The following HMCN1 variants were observed in gnomAD, a reference collection of about 807,000 sequenced individuals.
The protein encoded by HMCN1 is hemicentin-1.
A neutral mutation model predicts 625.9 loss-of-function variants in HMCN1; 321 were observed. That is an observed-to-expected ratio of 0.51 (90% confidence interval 0.47 to 0.56). HMCN1 has a LOEUF of 0.56. Ranked by LOEUF, HMCN1 falls within the 20% of genes least tolerant of loss-of-function variation. The pLI, the probability that HMCN1 is intolerant of heterozygous loss-of-function variation, is 0.00. For synonymous variants in HMCN1, 2,425 were observed against 2,417.6 expected (o/e 1.00, Z -0.09); for missense variants, 6,588 against 6,887.3 (o/e 0.96, Z 1.54).
intron 71 of HMCN1, among the ~76,000 whole-genome samples, chr1:186,108,904 T>G (rs1204187795): frequency 6.6e-6 from 1 of 152,210 alleles, no homozygotes; most frequent in East Asian, 1.9e-4. Flanking sequence ...AATACTCAGC[T>G]ATTTCTTAAA....
At chr1:185,998,148 T>G (rs116498680) in intron 25 of HMCN1, among the ~76,000 whole-genome samples, 67 of 152,208 alleles carry the variant, frequency 4.4e-4, no homozygotes, top group African/African-American at 1.5e-3. Flanking sequence ...AGTAGGTAAT[T>G]AAGAACATCC....
intron 89 of HMCN1, among the ~76,000 whole-genome samples, chr1:186,138,332 C>G (rs1270901619): frequency 1.3e-5 from 2 of 152,082 alleles, no homozygotes; most frequent in African/African-American, 2.4e-5. Context: ...AAAGACTTGC[C>G]CAGAAACACA....
chr1:186,118,848 G>C (rs1458335488), intron 77 of HMCN1, among the ~76,000 whole-genome samples: 1 of 152,214 alleles, frequency 6.6e-6, no homozygotes. Flanking sequence ...CTAAGGCCAG[G>C]GTTGTGAGTG....
chr1:185,850,558 G>T (rs74856173), intron 2 of HMCN1, among the ~76,000 whole-genome samples: 1 of 152,082 alleles, frequency 6.6e-6, no homozygotes, highest in South Asian at 2.1e-4. Context: ...TGACTCCAGG[G>T]TGAAGGATCC....
intron 68 of HMCN1, among the ~76,000 whole-genome samples, chr1:186,099,947 A>C (rs892320038): frequency 4.6e-5 from 7 of 152,154 alleles, no homozygotes; most frequent in Admixed American, 6.6e-5. Flanking sequence ...TTTTACAGCC[A>C]GATTTCGTTT....
chr1:186,000,155 A>T lies in HMCN1; in HGVS notation c.3985A>T (p.Thr1329Ser). The T allele has an allele frequency of 6.2e-7, 1 of 1,613,178 alleles. No individual in the cohort carries two copies. Among genetic ancestry groups the T allele is most frequent in the Non-Finnish European group, 8.5e-7 (1 of 1,179,382 alleles). ...DGTLLVIASVTPYDNGEYICV... is the reference protein window; with the variant it reads ...DGTLLVIASVSPYDNGEYICV... ...CACATTGCTGGTTATTGCTTCTGTT[A>T]CACCCTATGACAATGGGGAGTACAT... Residue 1329 changes from threonine to serine, a missense_variant, in exon 26 of 107, where the codon ACA becomes TCA. Thr to Ser is a moderately conservative substitution (Grantham distance 58). Around this residue, in one of 3 missense-constraint regions of HMCN1, gnomAD observed 4,628 missense variants for 4,853.1 expected, o/e 0.95. Transcript: ENST00000271588.
At chr1:185,948,389 G>C (rs973799629) in intron 11 of HMCN1, among the ~76,000 whole-genome samples, 3 of 151,548 alleles carry the variant, frequency 2.0e-5, no homozygotes, top group African/African-American at 7.3e-5. Flanking sequence ...TCAGCAAAGG[G>C]AGATAGGGGT....
At chr1:185,848,370 A>G (rs1014032677) in intron 2 of HMCN1, among the ~76,000 whole-genome samples, 3 of 151,896 alleles carry the variant, frequency 2.0e-5, no homozygotes, top group Admixed American at 1.3e-4. Flanking sequence ...TGCTTGACAC[A>G]CTTTGTTCCC....
intron 50 of HMCN1, among the ~76,000 whole-genome samples, chr1:186,069,295 T>C (rs894718533): frequency 1.5e-4 from 23 of 152,188 alleles, no homozygotes; most frequent in Admixed American, 5.2e-4. Context: ...AAACTTTGCT[T>C]CAGCACAATT....
chr1:186,001,341 G>T lies in HMCN1; in HGVS notation c.4113G>T (p.Ser1371=). Residue 1371 remains serine, a synonymous_variant, in exon 27 of 107, where the codon TCG becomes TCT. Transcript: ENST00000271588. ...IKDKEQVTNV[S]VLLNQLTNLF... ...ATAAAGAACAAGTTACAAATGTGTC[G>T]GTGTTGTTAAATCAGCTGACCAATC... 1 of 1,611,570 alleles carries T rather than the reference G, an allele frequency of 6.2e-7. No homozygotes were observed. Among genetic ancestry groups the T allele is most frequent in the Non-Finnish European group, 8.5e-7 (1 of 1,178,234 alleles).
chr1:185,832,883 A>G (rs1268501898), intron 1 of HMCN1, among the ~76,000 whole-genome samples: 1 of 152,240 alleles, frequency 6.6e-6, no homozygotes. Flanking sequence ...CTTAATTTAT[A>G]AAGAGCTTCT....
chr1:186,165,102 C>T lies in HMCN1; in HGVS notation c.15257-9C>T. 1 of 1,613,714 alleles carries T rather than the reference C, an allele frequency of 6.2e-7. No individual in the cohort carries two copies. Among genetic ancestry groups the T allele is most frequent in the Non-Finnish European group, 8.5e-7 (1 of 1,179,730 alleles). ...AAGCCAGTTAACTTTGCTTTCCTCT[C>T]TGTGGTAGGAGATCGCAGTAATCAG... is the stretch of plus-strand genomic sequence containing the variant. On this transcript the variant is annotated splice_polypyrimidine_tract_variant and intron_variant, in intron 97 of 106. Coordinates refer to ENST00000271588, the MANE Select transcript of HMCN1 (RefSeq NM_031935.3).
intron 1 of HMCN1, among the ~76,000 whole-genome samples, chr1:185,827,108 C>G (rs1660567069): frequency 6.8e-6 from 1 of 146,290 alleles, no homozygotes; most frequent in Non-Finnish European, 1.5e-5. Context: ...GGAGGCAGAG[C>G]TTGCAGTGAG....
At chr1:186,171,489 T>C (rs1652228585) in intron 101 of HMCN1, 39 bp downstream of exon 101, 14 of 1,383,828 alleles carry the variant, frequency 1.0e-5, no homozygotes, top group Non-Finnish European at 1.4e-5. Context: ...ATGACACCTC[T>C]ATAACTTCTT....
intron 45 of HMCN1, among the ~76,000 whole-genome samples, chr1:186,056,696 G>T (rs1464654290): frequency 1.3e-5 from 2 of 151,698 alleles, no homozygotes; most frequent in African/African-American, 2.4e-5. Flanking sequence ...CTAAACATTG[G>T]GTACTCAAAG....
At chr1:186,052,830 C>T in intron 42 of HMCN1, 122 bp from the exon 43 acceptor site, 1 of 837,258 alleles carries the variant, frequency 1.2e-6, no homozygotes, top group Non-Finnish European at 2.0e-6. Flanking sequence ...ATGTTGATGT[C>T]AACCTCATAT....
chr1:185,748,353 C>G (rs1256461058), intron 1 of HMCN1, among the ~76,000 whole-genome samples: 3 of 152,088 alleles, frequency 2.0e-5, no homozygotes, highest in African/African-American at 7.2e-5. Flanking sequence ...TCTCCCCAGC[C>G]ACACCCTATG....
At chr1:186,098,158 A>G (rs928436138) in intron 68 of HMCN1, among the ~76,000 whole-genome samples, 1 of 152,022 alleles carries the variant, frequency 6.6e-6, no homozygotes, top group Admixed American at 6.6e-5. Context: ...ATTTTTCTGG[A>G]TAAGAACTCA....
intron 1 of HMCN1, 61 bp from the exon 2 acceptor site, chr1:185,845,965 A>G: frequency 9.3e-7 from 1 of 1,069,588 alleles, no homozygotes; most frequent in Non-Finnish European, 1.5e-6. Flanking sequence ...CTATAAACAC[A>G]AGAAAGTCTT....
Sources: gnomAD v4.1 joint callset for allele counts (sites outside exome capture counted in the v4.1 genomes callset) on GRCh38, gnomAD v4.1.1 for gene constraint, gnomAD v4.1.1 regional missense constraint, MANE v1.5 for transcripts, NCBI Gene and HGNC (gene_info 2026-07-23, HGNC 2026-07-21) for gene names.